The following PDE1C variants were observed in gnomAD, a reference collection of about 807,000 sequenced individuals.
PDE1C encodes the protein phosphodiesterase 1C, also known as dual specificity calcium/calmodulin-dependent 3',5'-cyclic nucleotide phosphodiesterase 1C.
PDE1C carries 62 observed loss-of-function variants against 93.1 expected under a neutral mutation model. The observed-to-expected ratio is 0.67, with a 90% CI of 0.54 to 0.82. The LOEUF is 0.82. Ranked by LOEUF, PDE1C falls within the 40% of genes least tolerant of loss-of-function variation. The pLI is 0.00. For missense variants in PDE1C, 742 were observed against 884.6 expected (o/e 0.84, Z 2.04); for synonymous variants, 325 against 310.1 (o/e 1.05, Z -0.50).
At chr7:31,757,362 G>A (rs545827500) in intron 17 of PDE1C, among the ~76,000 whole-genome samples, 12 of 152,210 alleles carry the variant, frequency 7.9e-5, no homozygotes, top group African/African-American at 2.9e-4. Flanking sequence ...TGATGATCAT[G>A]TTCTAGTCAT....
intron 2 of PDE1C, among the ~76,000 whole-genome samples, chr7:32,170,257 T>C (rs992748043): frequency 1.3e-5 from 2 of 151,924 alleles, no homozygotes; most frequent in Admixed American, 1.3e-4. Context: ...TATTCAGCAG[T>C]TGGAAATATA....
intron 2 of PDE1C, among the ~76,000 whole-genome samples, chr7:31,984,455 A>C (rs1783103702): frequency 6.6e-6 from 1 of 152,158 alleles, no homozygotes; most frequent in Non-Finnish European, 1.5e-5. Flanking sequence ...ATCTGGATGC[A>C]GTTCACCACC....
intron 10 of PDE1C, among the ~76,000 whole-genome samples, chr7:31,837,633 T>G (rs998196528): frequency 6.6e-6 from 1 of 152,230 alleles, no homozygotes; most frequent in Non-Finnish European, 1.5e-5. Context: ...AGGGAATTAT[T>G]TTTAATTCTC....
intron 1 of PDE1C, among the ~76,000 whole-genome samples, chr7:32,344,947 T>C (rs76736870): frequency 0.018 from 2,676 of 152,238 alleles, 95 homozygotes; most frequent in African/African-American, 0.061. Flanking sequence ...CTTATGAGAA[T>C]TGCATCTATC....
chr7:32,348,654 C>T (rs890172205), intron 1 of PDE1C, among the ~76,000 whole-genome samples: 13 of 152,086 alleles, frequency 8.5e-5, no homozygotes, highest in African/African-American at 2.4e-4. Context: ...TGAGCCACCA[C>T]GCCCAGCCAC....
chr7:31,690,324 C>T, the PDE1C span, among the ~76,000 whole-genome samples: 1 of 152,220 alleles, frequency 6.6e-6, no homozygotes. Flanking sequence ...GCTATTTCAT[C>T]TTCACAGTTA....
At chr7:32,168,272 C>T (rs1360314835) in intron 3 of PDE1C, among the ~76,000 whole-genome samples, 4 of 152,154 alleles carry the variant, frequency 2.6e-5, no homozygotes, top group Non-Finnish European at 5.9e-5. Flanking sequence ...CACTGCTACA[C>T]GTTACAACTA....
chr7:32,365,321 C>A (rs1244841391), intron 1 of PDE1C, among the ~76,000 whole-genome samples: 8 of 152,166 alleles, frequency 5.3e-5, no homozygotes, highest in African/African-American at 1.9e-4. Context: ...GCCCTGTAGG[C>A]CACCTCCAGC....
chr7:32,011,285 C>T (rs139512032), intron 2 of PDE1C, among the ~76,000 whole-genome samples: 1,629 of 152,090 alleles, frequency 0.011, 29 homozygotes, highest in African/African-American at 0.036. Context: ...TTCCACCTCC[C>T]GGGTTCACGC....
At chr7:31,936,103 G>A (rs1247055560) in intron 2 of PDE1C, among the ~76,000 whole-genome samples, 1 of 151,898 alleles carries the variant, frequency 6.6e-6, no homozygotes, top group Non-Finnish European at 1.5e-5. Flanking sequence ...CAAAAATTGG[G>A]ACATGGGATC....
At chr7:32,237,857 G>A (rs1398579088) in intron 1 of PDE1C, among the ~76,000 whole-genome samples, 3 of 143,266 alleles carry the variant, frequency 2.1e-5, no homozygotes, top group African/African-American at 5.2e-5. Flanking sequence ...TGCAGCCTCC[G>A]CCTCCTGGGT....
At chr7:31,703,347 T>G in the PDE1C span, among the ~76,000 whole-genome samples, 1 of 152,206 alleles carries the variant, frequency 6.6e-6, no homozygotes, top group East Asian at 1.9e-4. Flanking sequence ...CTGGCATGAG[T>G]GCTGCCTACA....
chr7:31,936,406 T>C (rs1805079656), intron 2 of PDE1C, among the ~76,000 whole-genome samples: 1 of 151,562 alleles, frequency 6.6e-6, no homozygotes, highest in African/African-American at 2.4e-5. Context: ...ACCTGTGGTA[T>C]TCTAAGCTCA....
intron 3 of PDE1C, among the ~76,000 whole-genome samples, chr7:32,131,504 C>T (rs73102517): frequency 0.2 from 30,819 of 151,992 alleles, 3,759 homozygotes; most frequent in Middle Eastern, 0.3. Context: ...CCTTGAGTCT[C>T]CAATAATGAA....
At chr7:32,311,129 A>C (rs1279670894) in intron 1 of PDE1C, among the ~76,000 whole-genome samples, 2 of 152,256 alleles carry the variant, frequency 1.3e-5, no homozygotes, top group African/African-American at 4.8e-5. Context: ...AAACACCTCT[A>C]TGCAAATAAA....
intron 2 of PDE1C, among the ~76,000 whole-genome samples, chr7:31,973,697 A>G (rs538133416): frequency 2.6e-5 from 4 of 152,190 alleles, no homozygotes; most frequent in Non-Finnish European, 5.9e-5. Flanking sequence ...ACAAACTGAG[A>G]CCCAGAAAGG....
chr7:32,067,076 G>T (rs1013640185), intron 1 of PDE1C, among the ~76,000 whole-genome samples: 1 of 152,180 alleles, frequency 6.6e-6, no homozygotes, highest in Non-Finnish European at 1.5e-5. Context: ...AGGGGCATGG[G>T]CGCCATCATC....
At chr7:32,078,842 G>C (rs1796496906) in intron 3 of PDE1C, among the ~76,000 whole-genome samples, 1 of 151,594 alleles carries the variant, frequency 6.6e-6, no homozygotes. Context: ...TGGGAGGATT[G>C]CTTGAGCCCA....
the PDE1C span, among the ~76,000 whole-genome samples, chr7:31,619,992 G>C: frequency 1.3e-5 from 2 of 152,198 alleles, no homozygotes; most frequent in African/African-American, 4.8e-5. Flanking sequence ...CGCCCACGGA[G>C]TCTCGCTGAT....
Sources: allele counts gnomAD v4.1 joint callset (sites outside exome capture counted in the v4.1 genomes callset), GRCh38; gene constraint gnomAD v4.1.1; transcripts MANE v1.5; gene names NCBI Gene and HGNC (gene_info 2026-07-23, HGNC 2026-07-21).